The following GULP1 variants were observed in gnomAD, a reference collection of about 807,000 sequenced individuals.
GULP1 encodes PTB domain-containing engulfment adapter protein 1.
Under a neutral mutation model 40.9 loss-of-function variants are expected in GULP1, and 19 were observed. The ratio of observed to expected loss-of-function variants is 0.46; its 90% CI spans 0.32 to 0.68. The LOEUF (loss-of-function observed/expected upper bound fraction) is 0.68. Ranked by LOEUF, GULP1 falls within the 30% of genes least tolerant of loss-of-function variation. GULP1 has a pLI of 0.03. For missense variants in GULP1, 312 were observed against 362.2 expected (o/e 0.86, Z 1.12); for synonymous variants, 119 against 117.6 (o/e 1.01, Z -0.08).
intron 9 of GULP1, 127 bp from the exon 10 acceptor site, chr2:188,584,138 C>T (rs900928415): frequency 1.5e-5 from 9 of 616,614 alleles, no homozygotes; most frequent in Non-Finnish European, 2.5e-5. Context: ...TTTTGGTCTA[C>T]AAAATGGCAA....
intron 4 of GULP1, among the ~76,000 whole-genome samples, chr2:188,506,417 G>A (rs2063919872): frequency 6.6e-6 from 1 of 151,886 alleles, no homozygotes; most frequent in Non-Finnish European, 1.5e-5. Flanking sequence ...GGATTATGTA[G>A]TATGGAGCAA....
intron 2 of GULP1, among the ~76,000 whole-genome samples, chr2:188,474,461 C>T (rs562944761): frequency 6.6e-6 from 1 of 152,212 alleles, no homozygotes; most frequent in South Asian, 2.1e-4. Flanking sequence ...TTAAAAGCTC[C>T]CTCCATGGCC....
At chr2:188,397,398 C>T (rs779685686) in intron 2 of GULP1, among the ~76,000 whole-genome samples, 32 of 152,186 alleles carry the variant, frequency 2.1e-4, no homozygotes, top group South Asian at 1.0e-3. Flanking sequence ...TATCATATAA[C>T]ACATAGTGTG....
chr2:188,537,922 G>A lies in GULP1; in HGVS notation c.262-3259G>A, dbSNP rs759608292. On this transcript the variant is annotated intron_variant, in intron 6 of 11. Coordinates refer to ENST00000409830, the MANE Select transcript of GULP1 (RefSeq NM_016315.4). ...TGCTGATTCAATGTTGGGAGGTTCT[G>A]CGTTTCTATAAATTTATCAATTTCC... is the stretch of plus-strand genomic sequence containing the variant. 5.4e-4 allele frequency among the ~76,000 whole-genome samples: 82 copies of A among 152,148 alleles called. 1 individual carries two copies. The Middle Eastern group carries it at 0.02, about 38-fold the overall frequency.
chr2:188,322,593 C>A (rs1426637739), intron 1 of GULP1, among the ~76,000 whole-genome samples: 2 of 152,130 alleles, frequency 1.3e-5, no homozygotes, highest in African/African-American at 4.8e-5. Context: ...CAGTTTCTCA[C>A]AACACTGCAA....
intron 9 of GULP1, among the ~76,000 whole-genome samples, chr2:188,572,370 C>T (rs936309363): frequency 1.3e-5 from 2 of 152,108 alleles, no homozygotes; most frequent in African/African-American, 4.8e-5. Flanking sequence ...CATCATTTAA[C>T]AATTATTTTA....
intron 9 of GULP1, among the ~76,000 whole-genome samples, chr2:188,579,826 A>C (rs893262912): frequency 1.3e-5 from 2 of 152,160 alleles, no homozygotes; most frequent in African/African-American, 4.8e-5. Flanking sequence ...CCATGATAAA[A>C]ATAACAGAGC....
chr2:188,444,743 A>C (rs2058237877), intron 2 of GULP1, among the ~76,000 whole-genome samples: 2 of 152,230 alleles, frequency 1.3e-5, no homozygotes, highest in Non-Finnish European at 2.9e-5. Context: ...ATAAGCAGTC[A>C]GTACATTTTA....
chr2:188,332,412 A>G lies in GULP1; in HGVS notation c.-172+40246A>G, dbSNP rs138446068. Among the ~76,000 whole-genome samples, 811 of 151,350 alleles carry G rather than the reference A, an allele frequency of 5.4e-3. 7 individuals carry two copies. The highest frequency in any genetic ancestry group is 0.018 in the African/African-American group (759 of 41,220). The stretch of plus-strand genomic sequence containing the variant: ...GCCATGTTGGCCAGGCTGGTCTTGA[A>G]CTCCTGACCTTAAGTGACACCTGCC... On this transcript the variant is annotated intron_variant, in intron 1 of 11. Coordinates refer to ENST00000409830, the MANE Select transcript of GULP1 (RefSeq NM_016315.4).
At chr2:188,368,205 A>AT (rs1480495025) in intron 1 of GULP1, among the ~76,000 whole-genome samples, 3 of 152,170 alleles carry the variant, frequency 2.0e-5, no homozygotes, top group East Asian at 1.9e-4. Flanking sequence ...AGGTCTGGGG[A>AT]TTTTTTGGTG....
chr2:188,378,053 A>G (rs1266889321), intron 1 of GULP1, among the ~76,000 whole-genome samples: 1 of 152,172 alleles, frequency 6.6e-6, no homozygotes, highest in Non-Finnish European at 1.5e-5. Context: ...TAAAATATAT[A>G]CATAGAATAT....
intron 1 of GULP1, among the ~76,000 whole-genome samples, chr2:188,305,660 G>A (rs769247052): frequency 6.6e-6 from 1 of 152,208 alleles, no homozygotes; most frequent in Non-Finnish European, 1.5e-5. Flanking sequence ...TATAATTATC[G>A]TGATACCACA....
chr2:188,419,245 GT>G (rs199928066), intron 2 of GULP1, among the ~76,000 whole-genome samples: 45 of 151,300 alleles, frequency 3.0e-4, no homozygotes, highest in African/African-American at 8.5e-4. Flanking sequence ...ACATATAATA[GT>G]TTTTTTTTAA....
In GULP1 at chr2:188,332,065, A is replaced by T. The variant is rs2041665760; in HGVS notation, c.-172+39899A>T. Among the ~76,000 whole-genome samples the T allele has an allele frequency of 5.3e-5, 8 of 152,302 alleles. No homozygotes were observed. The South Asian group carries it at 1.4e-3, about 28-fold the overall frequency. On this transcript the variant is annotated intron_variant, in intron 1 of 11. Coordinates refer to ENST00000409830, the MANE Select transcript of GULP1 (RefSeq NM_016315.4). ...TTGATACTGAGTGTTTTCAGGGTAC[A>T]TTAGAGTAAGGGTCCTTGGGTACAA... is the stretch of plus-strand genomic sequence containing the variant.
In GULP1 at chr2:188,521,911, C is replaced by A. The variant is rs185688432; in HGVS notation, c.91-845C>A. 3.6e-3 allele frequency among the ~76,000 whole-genome samples: 545 copies of A among 152,184 alleles called. 5 individuals carry two copies. The highest frequency in any genetic ancestry group is 0.013 in the African/African-American group (523 of 41,524). On this transcript the variant is annotated intron_variant, in intron 4 of 11. Transcript: ENST00000409830. ...CTAACACGGTGAAACCCCATCTCTA[C>A]TAAAAATACAAAAAATGAGCCAGGC...
chr2:188,468,990 G>A (rs1366195649), intron 2 of GULP1, among the ~76,000 whole-genome samples: 2 of 152,182 alleles, frequency 1.3e-5, no homozygotes, highest in African/African-American at 2.4e-5. Flanking sequence ...GGTGCGATTA[G>A]GGATAGGAGC....
intron 1 of GULP1, among the ~76,000 whole-genome samples, chr2:188,310,111 T>A (rs1270414603): frequency 2.6e-5 from 4 of 152,208 alleles, no homozygotes; most frequent in Non-Finnish European, 5.9e-5. Flanking sequence ...TCCCCAACTC[T>A]GCTACATTTC....
At chr2:188,438,756 AAC>A (rs1404033746) in intron 2 of GULP1, among the ~76,000 whole-genome samples, 7 of 144,698 alleles carry the variant, frequency 4.8e-5, no homozygotes, top group Admixed American at 6.9e-5. Context: ...AAGTAGTTAA[AAC>A]ACATGTTTTC....
rs888104056 is a variant in GULP1, at chr2:188,300,318, TAGTA to T, written c.-172+8158_-172+8161del. Among the ~76,000 whole-genome samples the T allele has an allele frequency of 6.6e-5, 10 of 152,208 alleles. No individual in the cohort carries two copies. The East Asian group carries it at 7.7e-4, about 12-fold the overall frequency. On this transcript the variant is annotated intron_variant, in intron 1 of 11. Transcript: ENST00000409830. ...ATGTGTTAAATAGTTATCTACTTGG[TAGTA>T]AGTAACTGTGCCAGTATTAACAATT... is the stretch of plus-strand genomic sequence containing the variant.
Sources: allele counts gnomAD v4.1 joint callset (sites outside exome capture counted in the v4.1 genomes callset), GRCh38; gene constraint gnomAD v4.1.1; transcripts MANE v1.5; gene names NCBI Gene and HGNC (gene_info 2026-07-23, HGNC 2026-07-21).